WAC: variants seen among roughly 807,000 people sequenced by gnomAD.
WAC encodes WW domain-containing adapter protein with coiled-coil.
Under a neutral mutation model 79.6 loss-of-function variants are expected in WAC, and 11 were observed. That is an observed-to-expected ratio of 0.14 (90% CI 0.09 to 0.23). WAC has a LOEUF of 0.23. Ranked by LOEUF, WAC falls within the 10% of genes least tolerant of loss-of-function variation. The pLI is 1.00. For synonymous variants in WAC, 304 were observed against 276.9 expected (o/e 1.10, Z -0.97); for missense variants, 728 against 773.5 (o/e 0.94, Z 0.70).
intron 3 of WAC, among the ~76,000 whole-genome samples, chr10:28,563,509 A>G (rs1203706360): frequency 2.6e-5 from 4 of 152,110 alleles, no homozygotes; most frequent in Admixed American, 6.6e-5. Flanking sequence ...TGGTTCTTCA[A>G]CATGTTTTAG....
chr10:28,566,970 A>G (rs911977033), intron 3 of WAC, among the ~76,000 whole-genome samples: 2 of 141,822 alleles, frequency 1.4e-5, no homozygotes, highest in African/African-American at 5.2e-5. Context: ...TTTTTTCAGG[A>G]CCTTCAGTTT....
At chr10:28,583,270 A>C in intron 3 of WAC, 129 bp from the exon 4 acceptor site, 4 of 624,330 alleles carry the variant, frequency 6.4e-6, no homozygotes, top group Non-Finnish European at 1.1e-5. Context: ...GACTGTGTAT[A>C]TATTCCTAAT....
At chr10:28,592,406 G>C (rs754584862) in intron 6 of WAC, among the ~76,000 whole-genome samples, 1 of 152,030 alleles carries the variant, frequency 6.6e-6, no homozygotes, top group Non-Finnish European at 1.5e-5. Flanking sequence ...GGCGGATCAC[G>C]AAGTCAAGAG....
At position 28,617,132 on chromosome 10, in the gene WAC, A is replaced by G. The variant is rs895239327; in HGVS notation, c.1747-525A>G. On this transcript the variant is annotated intron_variant, in intron 12 of 13. Transcript: ENST00000354911. ...TAATTTTCTATGACTCTCTCACTAG[A>G]CTAGCAACTGGAAGTTAGGAAACAT... Among the ~76,000 whole-genome samples, 5 of 152,196 alleles carry G rather than the reference A, an allele frequency of 3.3e-5. No homozygotes were observed. In the East Asian group the frequency reaches 9.6e-4, roughly 29 times the overall value.
At chr10:28,604,093 A>G (rs1840805570) in intron 7 of WAC, among the ~76,000 whole-genome samples, 1 of 149,408 alleles carries the variant, frequency 6.7e-6, no homozygotes, top group South Asian at 2.1e-4. Flanking sequence ...TTTTTATAAG[A>G]TTATTTAAAA....
At chr10:28,541,410 T>G (rs1837018120) in intron 3 of WAC, among the ~76,000 whole-genome samples, 1 of 87,350 alleles carries the variant, frequency 1.1e-5, no homozygotes, top group African/African-American at 3.8e-5. Context: ...GTTGTGTGTG[T>G]GTGTGTTTTG....
In WAC at chr10:28,582,718, T is replaced by C. The variant is rs192830005; in HGVS notation, c.275-681T>C. Among the ~76,000 whole-genome samples, 327 of 152,332 alleles carry C rather than the reference T, an allele frequency of 2.1e-3. 2 individuals carry two copies. The highest frequency in any genetic ancestry group is 6.8e-3 in the Middle Eastern group (2 of 294). ...GTGTTTTTGCAAGTCTGGATTTTTA[T>C]ACCCTGCTTTTTCTTAAAGCAAGAG... On this transcript the variant is annotated intron_variant, in intron 3 of 13. Coordinates refer to ENST00000354911, the MANE Select transcript of WAC (RefSeq NM_016628.5).
At chr10:28,553,905 G>T (rs986997043) in intron 3 of WAC, among the ~76,000 whole-genome samples, 1 of 152,148 alleles carries the variant, frequency 6.6e-6, no homozygotes, top group African/African-American at 2.4e-5. Flanking sequence ...GTCTTGCTCT[G>T]TTAACCATGC....
chr10:28,546,826 T>TA (rs1312525634), intron 3 of WAC, among the ~76,000 whole-genome samples: 1 of 152,022 alleles, frequency 6.6e-6, no homozygotes, highest in Non-Finnish European at 1.5e-5. Context: ...AGTTATCTCG[T>TA]TTTTTATTCA....
chr10:28,569,733 ATGT>A (rs1403342021), intron 3 of WAC, among the ~76,000 whole-genome samples: 3 of 152,118 alleles, frequency 2.0e-5, no homozygotes, highest in Non-Finnish European at 4.4e-5. Flanking sequence ...ATGTCTAGAG[ATGT>A]TGTCATACAT....
chr10:28,548,305 A>G (rs1024199888), intron 3 of WAC, among the ~76,000 whole-genome samples: 1 of 152,092 alleles, frequency 6.6e-6, no homozygotes, highest in African/African-American at 2.4e-5. Flanking sequence ...TTAGAGAGTC[A>G]TCTTCCACAC....
At chr10:28,549,478 A>T (rs2132410842) in intron 3 of WAC, among the ~76,000 whole-genome samples, 1 of 152,254 alleles carries the variant, frequency 6.6e-6, no homozygotes, top group South Asian at 2.1e-4. Flanking sequence ...CCCTGTCCTG[A>T]TTAATGCCTG....
chr10:28,619,434 G>T, intron 13 of WAC, 103 bp from the exon 14 acceptor site: 3 of 846,964 alleles, frequency 3.5e-6, no homozygotes, highest in Admixed American at 3.6e-5. Context: ...GCCTTAATTA[G>T]AAATCACTTG....
chr10:28,537,026 G>T (rs1246870087), intron 3 of WAC, among the ~76,000 whole-genome samples: 3 of 152,152 alleles, frequency 2.0e-5, no homozygotes, highest in Non-Finnish European at 4.4e-5. Context: ...GCTTTATTCA[G>T]TGTGATCATA....
At chr10:28,566,795 A>G (rs1838640807) in intron 3 of WAC, among the ~76,000 whole-genome samples, 1 of 152,222 alleles carries the variant, frequency 6.6e-6, no homozygotes. Flanking sequence ...GTTAATGGGT[A>G]AAATTCAGCA....
chr10:28,548,882 G>GT (rs916775901), intron 3 of WAC, among the ~76,000 whole-genome samples: 27 of 151,336 alleles, frequency 1.8e-4, no homozygotes, highest in Middle Eastern at 3.4e-3. Context: ...AATTTTTGTA[G>GT]TTTTTTTTTG....
intron 1 of WAC, 55 bp downstream of exon 1, chr10:28,533,675 G>A (rs1257807808): frequency 9.3e-6 from 14 of 1,505,802 alleles, no homozygotes; most frequent in Admixed American, 2.0e-5. Context: ...CGGCGGGGGG[G>A]CTGTTCCTCC....
At chr10:28,561,780 C>A (rs1013079444) in intron 3 of WAC, among the ~76,000 whole-genome samples, 1 of 152,142 alleles carries the variant, frequency 6.6e-6, no homozygotes. Flanking sequence ...AGATCAGCCA[C>A]GGCATTAGAT....
chr10:28,610,557 C>A, intron 8 of WAC, 142 bp from the exon 9 acceptor site: 1 of 768,308 alleles, frequency 1.3e-6, no homozygotes, highest in East Asian at 3.1e-5. Context: ...CATTGTATTA[C>A]TCCTATCTAG....
Sources: allele counts gnomAD v4.1 joint callset (sites outside exome capture counted in the v4.1 genomes callset), GRCh38; gene constraint gnomAD v4.1.1; transcripts MANE v1.5; gene names NCBI Gene and HGNC (gene_info 2026-07-23, HGNC 2026-07-21).